The following ARL13B variants were observed in gnomAD, a reference collection of about 807,000 sequenced individuals.
ARL13B encodes ARF like GTPase 13B.
In ARL13B, 36 loss-of-function variants were observed where a neutral mutation model predicts 56.1. The observed-to-expected ratio is 0.64, with a 90% CI of 0.49 to 0.85. The LOEUF (loss-of-function observed/expected upper bound fraction) is 0.85. ARL13B is among the 40% of genes least tolerant of loss of function. The pLI is 0.00. For synonymous variants in ARL13B, 178 were observed against 171.1 expected (o/e 1.04, Z -0.32); for missense variants, 519 against 507.1 (o/e 1.02, Z -0.23).
chr3:93,980,512 C>G, intron 1 of ARL13B, 30 bp downstream of exon 1: 1 of 1,607,156 alleles, frequency 6.2e-7, no homozygotes. Context: ...CCTGGCCGTC[C>G]TAGGGGTTGG....
chr3:94,045,858 G>C (rs2076972791), intron 7 of ARL13B, among the ~76,000 whole-genome samples: 1 of 150,708 alleles, frequency 6.6e-6, no homozygotes, highest in Non-Finnish European at 1.5e-5. Flanking sequence ...GGCTGAGGCA[G>C]GAAAATGGCG....
rs757858769 is a variant in ARL13B, at chr3:94,054,086, A to C, written c.*823A>C. On this transcript the variant is annotated 3_prime_UTR_variant, in exon 10 of 10. Transcript: ENST00000394222. ...CTATTAAAAGTCTCAGTAAAGTCCT[A>C]TTTTAAAGGTTAGACACTTTCAGAG... 3 of 451,038 alleles carry C rather than the reference A, an allele frequency of 6.7e-6. No individual in the cohort carries two copies. Among genetic ancestry groups the C allele is most frequent in the South Asian group, 4.7e-5 (3 of 63,840 alleles). 27.9% of individuals were successfully genotyped at this position (451,038 alleles called of 1,614,324 possible). A position where few individuals can be genotyped will look rare whatever the true frequency, so the allele number is the denominator to read the frequency against.
chr3:93,987,353 A>G (rs1218064932), intron 1 of ARL13B, among the ~76,000 whole-genome samples: 1 of 152,114 alleles, frequency 6.6e-6, no homozygotes, highest in Non-Finnish European at 1.5e-5. Flanking sequence ...GAGATAAGAT[A>G]TTCTCATATT....
intron 3 of ARL13B, among the ~76,000 whole-genome samples, chr3:94,021,340 G>A (rs1394765574): frequency 1.3e-5 from 2 of 151,808 alleles, no homozygotes; most frequent in Admixed American, 1.3e-4. Flanking sequence ...GACTACAGGT[G>A]CCCATCACCA....
chr3:93,986,118 C>CT (rs755921960), intron 1 of ARL13B, among the ~76,000 whole-genome samples: 2 of 152,120 alleles, frequency 1.3e-5, no homozygotes, highest in Non-Finnish European at 2.9e-5. Flanking sequence ...TTTTACATCT[C>CT]TTTTTATCCC....
intron 6 of ARL13B, among the ~76,000 whole-genome samples, chr3:94,041,754 A>G (rs534506732): frequency 6.6e-6 from 1 of 152,304 alleles, no homozygotes; most frequent in Non-Finnish European, 1.5e-5. Context: ...GGGTTACCAA[A>G]GGCAGTTTCC....
intron 1 of ARL13B, among the ~76,000 whole-genome samples, chr3:93,993,789 A>G (rs895254001): frequency 1.3e-5 from 2 of 152,160 alleles, no homozygotes. Context: ...GTAAATTCAT[A>G]TTTTTCATAG....
chr3:93,999,203 A>C (rs1038952079), intron 2 of ARL13B, among the ~76,000 whole-genome samples: 9 of 151,562 alleles, frequency 5.9e-5, no homozygotes, highest in African/African-American at 2.2e-4. Context: ...GGCCTCCCGA[A>C]GTGTTGGGAT....
rs1217091374 is a variant in ARL13B, at chr3:94,049,472, T to C, written c.1091T>C (p.Ile364Thr). ...AACCACCGGGTAGAACCACTTAATA[T>C]AGATGACTGTGCTCCTGAGAGTCCA... The part of the protein sequence containing the change: ...KRNHRVEPLN[I>T]DDCAPESPTP... Residue 364 changes from isoleucine to threonine, a missense_variant, in exon 8 of 10, where the codon ATA (isoleucine) becomes ACA (threonine). Transcript: ENST00000394222. The C allele has an allele frequency of 2.5e-6, 4 of 1,611,882 alleles. No homozygotes were observed. In the African/African-American group the frequency reaches 4.0e-5, roughly 16 times the overall value.
Position 94,054,341 on chromosome 3 carries a change from CAAAATAATT to C in ARL13B, c.*1079_*1087del. The C allele has an allele frequency of 2.3e-6, 1 of 427,510 alleles. No individual in the cohort carries two copies. The allele number at this position is 427,510 out of a possible 1,614,324, so 26.5% of individuals were successfully genotyped here. A position where few individuals can be genotyped will look rare whatever the true frequency, so the allele number is the denominator to read the frequency against. ...AATTACTTTTATAAATAAATAATTC[CAAAATAATT>C]TCTTAATTTAAAATGATAGCACTTC... On this transcript the variant is annotated 3_prime_UTR_variant, in exon 10 of 10. Transcript: ENST00000394222.
intron 3 of ARL13B, among the ~76,000 whole-genome samples, chr3:94,013,695 C>T (rs1448683311): frequency 6.6e-6 from 1 of 152,152 alleles, no homozygotes; most frequent in African/African-American, 2.4e-5. Flanking sequence ...CCTGTAATTC[C>T]AACACTTTGG....
Position 94,004,006 on chromosome 3 carries a change from C to G in ARL13B, c.380+98C>G, listed in dbSNP as rs186946002. On this transcript the variant is annotated intron_variant, in intron 3 of 9. Coordinates refer to ENST00000394222, the MANE Select transcript of ARL13B (RefSeq NM_001174150.2). ...ACTAGTGAATAAGCTAAAATAGTCA[C>G]GCTTTAGTATACTAAAATGTATGTA... The G allele has an allele frequency of 1.2e-5, 19 of 1,535,084 alleles. No homozygotes were observed. The African/African-American group carries it at 2.6e-4, about 21-fold the overall frequency.
intron 2 of ARL13B, among the ~76,000 whole-genome samples, chr3:93,999,905 G>A (rs1449855521): frequency 6.6e-6 from 1 of 152,194 alleles, no homozygotes; most frequent in African/African-American, 2.4e-5. Flanking sequence ...GCTCCATCGT[G>A]TTAGTCCTCA....
At chr3:94,018,813 C>T (rs1327732195) in intron 3 of ARL13B, among the ~76,000 whole-genome samples, 8 of 152,060 alleles carry the variant, frequency 5.3e-5, no homozygotes, top group African/African-American at 1.4e-4. Context: ...TCCCCTAGGC[C>T]GGAGTGCAGT....
At chr3:94,036,347 C>G (rs1006006794) in intron 4 of ARL13B, among the ~76,000 whole-genome samples, 1 of 152,038 alleles carries the variant, frequency 6.6e-6, no homozygotes, top group Non-Finnish European at 1.5e-5. Context: ...ACATAGTGTA[C>G]AGATGTTATC....
At chr3:93,997,482 G>T (rs543121175) in intron 2 of ARL13B, among the ~76,000 whole-genome samples, 4 of 152,248 alleles carry the variant, frequency 2.6e-5, no homozygotes, top group African/African-American at 9.6e-5. Flanking sequence ...TAAATTATCT[G>T]TTATTGTCTA....
chr3:93,990,044 G>A (rs956316536), intron 1 of ARL13B, among the ~76,000 whole-genome samples: 28 of 151,804 alleles, frequency 1.8e-4, no homozygotes, highest in Middle Eastern at 6.8e-3. Context: ...TCCCTCTGTC[G>A]CCCAGGCTGG....
At chr3:94,004,451 G>A (rs943121319) in intron 3 of ARL13B, among the ~76,000 whole-genome samples, 4 of 152,064 alleles carry the variant, frequency 2.6e-5, no homozygotes, top group Non-Finnish European at 5.9e-5. Flanking sequence ...AAGTGACAAA[G>A]GACTTTTGCA....
rs765494479 is a variant in ARL13B at position 93,980,392 on chromosome 3, C to T, written c.-32C>T. The T allele has an allele frequency of 1.9e-6, 3 of 1,610,244 alleles. No individual in the cohort carries two copies. The highest frequency in any genetic ancestry group is 2.5e-6 in the Non-Finnish European group (3 of 1,179,896). On this transcript the variant is annotated 5_prime_UTR_variant, in exon 1 of 10. Transcript: ENST00000394222. ...GGGGTGCCGGTGTCCGCTCCGGGCT[C>T]GGATGGGAAGTGGTGGGAGGAGCGA...
Sources: gnomAD v4.1 joint callset for allele counts (sites outside exome capture counted in the v4.1 genomes callset) on GRCh38, gnomAD v4.1.1 for gene constraint, MANE v1.5 for transcripts, NCBI Gene and HGNC (gene_info 2026-07-23, HGNC 2026-07-21) for gene names.